MED13L: variants seen among roughly 807,000 people sequenced by gnomAD.
MED13L encodes mediator complex subunit 13L.
In MED13L, 7 loss-of-function variants were observed where a neutral mutation model predicts 220.9. The observed-to-expected ratio is 0.03, with a 90% CI of 0.02 to 0.06. MED13L has a LOEUF of 0.06. Ranked by LOEUF, MED13L falls within the 10% of genes least tolerant of loss-of-function variation. MED13L has a pLI of 1.00. For missense variants in MED13L, 1,965 were observed against 2,760.5 expected (o/e 0.71, Z 6.46); for synonymous variants, 1,011 against 1,015.2 (o/e 1.00, Z 0.08).
intron 19 of MED13L, among the ~76,000 whole-genome samples, chr12:115,985,343 T>TGTAA (rs894770584): frequency 7.2e-5 from 11 of 152,250 alleles, no homozygotes; most frequent in Non-Finnish European, 1.2e-4. Context: ...ACTTAATTGA[T>TGTAA]GTCATTACAT....
intron 1 of MED13L, among the ~76,000 whole-genome samples, chr12:116,245,741 TAAAC>T (rs146634858): frequency 0.1 from 15,827 of 151,628 alleles, 1,529 homozygotes; most frequent in East Asian, 0.38. Context: ...GTGAAACAAA[TAAAC>T]AAAAATGGAA....
Position 116,007,450 on chromosome 12 carries a change from G to A in MED13L, c.2199C>T (p.Cys733=). 6.2e-7 allele frequency: 1 copy of A among 1,613,696 alleles called. No individual in the cohort carries two copies. Among genetic ancestry groups the A allele is most frequent in the Non-Finnish European group, 8.5e-7 (1 of 1,179,760 alleles). ...IKYIFTANKK[C]KQGTEKDSLK... ...GGGAATCTTTCTCCGTCCCTTGTTT[G>A]CATTTCTTGTTGGCTGTAAAGATGT... Residue 733 remains cysteine, a synonymous_variant, in exon 11 of 31, where the codon TGC becomes TGT. Coordinates refer to ENST00000281928, the MANE Select transcript of MED13L (RefSeq NM_015335.5).
chr12:115,965,420 G>T (rs1159727931), intron 29 of MED13L, among the ~76,000 whole-genome samples: 3 of 151,174 alleles, frequency 2.0e-5, no homozygotes, highest in Admixed American at 2.0e-4. Flanking sequence ...AAGTGTGTAG[G>T]GCTATATCAT....
At chr12:116,253,984 C>A (rs766899127) in intron 1 of MED13L, among the ~76,000 whole-genome samples, 1 of 151,884 alleles carries the variant, frequency 6.6e-6, no homozygotes. Context: ...TGGTCTCGAA[C>A]CCCTGACCTC....
At chr12:116,220,388 C>G (rs1409218109) in intron 2 of MED13L, among the ~76,000 whole-genome samples, 1 of 152,088 alleles carries the variant, frequency 6.6e-6, no homozygotes, top group Non-Finnish European at 1.5e-5. Context: ...CATCAAAATA[C>G]ACGCGCTGGA....
At chr12:116,095,570 A>C (rs1450233869) in intron 4 of MED13L, among the ~76,000 whole-genome samples, 1 of 152,230 alleles carries the variant, frequency 6.6e-6, no homozygotes, top group East Asian at 1.9e-4. Flanking sequence ...CTAATGAGGC[A>C]GGAGTTTCCA....
In MED13L at chr12:116,148,051, C is replaced by CAAAAAAAAAAA. The variant is rs10678970; in HGVS notation, c.311-36550_311-36540dup. Among the ~76,000 whole-genome samples the CAAAAAAAAAAA allele has an allele frequency of 4.1e-3, 74 of 18,136 alleles. 3 individuals carry two copies. The highest frequency in any genetic ancestry group is 4.2e-3 in the African/African-American group (18 of 4,238). The allele number at this position is 18,136 out of a possible 152,430, so 11.9% of individuals were successfully genotyped here. A position where few individuals can be genotyped will look rare whatever the true frequency, so the allele number is the denominator to read the frequency against. Reference sequence around the variant, plus strand: ...TGGGCTACAGAGCAAGACCCCATCTCAAAAAAAAAAAAAAAAAAAAAAAGA... The same window carrying CAAAAAAAAAAA: ...TGGGCTACAGAGCAAGACCCCATCTCAAAAAAAAAAAAAAAAAAAAAAAAAAAAAAAAAAGA... On this transcript the variant is annotated intron_variant, in intron 2 of 30. Transcript: ENST00000281928.
chr12:116,169,845 A>G (rs1356582569), intron 2 of MED13L, among the ~76,000 whole-genome samples: 2 of 152,098 alleles, frequency 1.3e-5, no homozygotes, highest in Non-Finnish European at 2.9e-5. Flanking sequence ...CTCCATCTCT[A>G]CAAAAATCTT....
Position 116,015,189 on chromosome 12 carries a change from C to T in MED13L, c.1095G>A (p.Ser365=), listed in dbSNP as rs144327790. The change falls in exon 8 of 31, where the codon TCG becomes TCA. Residue 365 remains serine (S), a synonymous_variant. Coordinates refer to ENST00000281928, the MANE Select transcript of MED13L (RefSeq NM_015335.5). ...GMITMHSPKR[S]GKIPPKLHNH... ...TGTGGAGTTTTGGAGGAATCTTCCC[C>T]GATCTCTTTGGACTGTGCATCGTTA... The T allele has an allele frequency of 5.3e-4, 861 of 1,613,830 alleles. 5 individuals are homozygous for T. The African/African-American group carries it at 9.9e-3, about 18-fold the overall frequency.
rs1874144880 is a variant in MED13L, at chr12:116,112,150, C to G, written c.311-638G>C. Among the ~76,000 whole-genome samples the G allele has an allele frequency of 2.6e-5, 4 of 152,204 alleles. No homozygotes were observed. The South Asian group carries it at 8.3e-4, about 32-fold the overall frequency. On this transcript the variant is annotated intron_variant, in intron 2 of 30. Coordinates refer to ENST00000281928, the MANE Select transcript of MED13L (RefSeq NM_015335.5). ...CATTGAGCCACAAGTAACTCCAACACCAAAAGAATCCAACGTATTAACAAT... is the reference window on the plus strand; with the variant it reads ...CATTGAGCCACAAGTAACTCCAACAGCAAAAGAATCCAACGTATTAACAAT...
At chr12:116,085,602 C>G (rs1871591700) in intron 4 of MED13L, among the ~76,000 whole-genome samples, 1 of 151,520 alleles carries the variant, frequency 6.6e-6, no homozygotes, top group African/African-American at 2.4e-5. Context: ...AATTATAGAT[C>G]CTGAGTAGAA....
intron 1 of MED13L, among the ~76,000 whole-genome samples, chr12:116,253,998 T>G (rs1871817199): frequency 6.6e-6 from 1 of 151,968 alleles, no homozygotes; most frequent in Non-Finnish European, 1.5e-5. Context: ...TGACCTCAAG[T>G]GATCCACCCA....
intron 4 of MED13L, among the ~76,000 whole-genome samples, chr12:116,079,446 G>C (rs1385870209): frequency 6.6e-6 from 1 of 152,040 alleles, no homozygotes; most frequent in Admixed American, 6.6e-5. Context: ...GGCTGGTCTC[G>C]AACTCCTAGG....
intron 4 of MED13L, among the ~76,000 whole-genome samples, chr12:116,077,069 C>G (rs1870864255): frequency 6.6e-6 from 1 of 152,196 alleles, no homozygotes; most frequent in South Asian, 2.1e-4. Flanking sequence ...CCTCTTGATT[C>G]CACCCCAAGG....
intron 4 of MED13L, among the ~76,000 whole-genome samples, chr12:116,038,744 C>CAAAAAAAAAAAAAAAAAAAAAAAAAAA (rs63703461): frequency 6.6e-5 from 5 of 75,262 alleles, no homozygotes; most frequent in African/African-American, 3.0e-4. Context: ...GTCAAAAGGC[C>CAAAAAAAAAAAAAAAAAAAAAAAAAAA]AAAAAAAAAA....
chr12:116,164,793 A>G lies in MED13L; in HGVS notation c.311-53281T>C, dbSNP rs74759442. On this transcript the variant is annotated intron_variant, in intron 2 of 30. Transcript: ENST00000281928. ...GAAACAGATGTTAAAGCCTAGGTAT[A>G]GAATGAATTTTAGCCTGAAATGTAG... 4.6e-5 allele frequency among the ~76,000 whole-genome samples: 7 copies of G among 152,342 alleles called. No homozygotes were observed. In the East Asian group the frequency reaches 1.3e-3, roughly 29 times the overall value.
intron 4 of MED13L, among the ~76,000 whole-genome samples, chr12:116,064,638 C>A (rs1017974457): frequency 4.6e-5 from 7 of 152,180 alleles, no homozygotes; most frequent in African/African-American, 1.4e-4. Context: ...CTCAGCAAGT[C>A]TAACAGTGAG....
intron 1 of MED13L, among the ~76,000 whole-genome samples, chr12:116,257,019 T>C (rs909656858): frequency 1.5e-4 from 23 of 152,170 alleles, no homozygotes; most frequent in African/African-American, 5.3e-4. Flanking sequence ...ATCTTGCACA[T>C]CTCCTGGTAA....
chr12:116,264,200 A>T (rs982746764), intron 1 of MED13L, among the ~76,000 whole-genome samples: 1 of 152,204 alleles, frequency 6.6e-6, no homozygotes, highest in Admixed American at 6.6e-5. Context: ...TTTCTGGGGC[A>T]GCCAACTAAA....
Sources: allele counts gnomAD v4.1 joint callset (sites outside exome capture counted in the v4.1 genomes callset), GRCh38; gene constraint gnomAD v4.1.1; transcripts MANE v1.5; gene names NCBI Gene and HGNC (gene_info 2026-07-23, HGNC 2026-07-21).